Variants in CTNND2 observed in about 807,000 individuals in gnomAD.
The protein encoded by CTNND2 is catenin delta 2, also known as catenin delta-2.
A neutral mutation model predicts 144.4 loss-of-function variants in CTNND2; 22 were observed. That is an observed-to-expected ratio of 0.15 (90% confidence interval 0.11 to 0.22). The LOEUF is 0.22. CTNND2 is among the 10% of genes least tolerant of loss of function. The pLI, the probability that CTNND2 is intolerant of heterozygous loss-of-function variation, is 1.00. For missense variants in CTNND2, 1,353 were observed against 1,618.8 expected, an observed-to-expected ratio of 0.84 and a Z score of 2.82; for synonymous variants, 751 against 695.6, an observed-to-expected ratio of 1.08 and a Z score of -1.25.
chr5:11,569,626 C>G (rs1777403331), intron 2 of CTNND2, among the ~76,000 whole-genome samples: 1 of 152,046 alleles, frequency 6.6e-6, no homozygotes, highest in Non-Finnish European at 1.5e-5. Flanking sequence ...TTCATTACTT[C>G]CCTCAATAAA....
At chr5:11,583,169 A>G (rs1187827923) in intron 2 of CTNND2, among the ~76,000 whole-genome samples, 1 of 152,244 alleles carries the variant, frequency 6.6e-6, no homozygotes, top group East Asian at 1.9e-4. Context: ...CAACTGAGTC[A>G]GGAAGCTGCA....
chr5:11,665,839 A>G (rs1003447146), intron 2 of CTNND2, among the ~76,000 whole-genome samples: 9 of 152,162 alleles, frequency 5.9e-5, no homozygotes, highest in Non-Finnish European at 1.3e-4. Context: ...AGTGGACCAC[A>G]AGGGTTATCC....
chr5:11,094,114 A>T (rs1274315780), intron 15 of CTNND2, among the ~76,000 whole-genome samples: 2 of 152,220 alleles, frequency 1.3e-5, no homozygotes, highest in Non-Finnish European at 2.9e-5. Context: ...AATATTACTT[A>T]TCAGCCTCTC....
intron 3 of CTNND2, among the ~76,000 whole-genome samples, chr5:11,503,322 C>T (rs777145361): frequency 2.0e-4 from 30 of 152,116 alleles, no homozygotes; most frequent in Admixed American, 5.9e-4. Flanking sequence ...ATATACTGCT[C>T]GGACAAAAAC....
chr5:11,487,303 C>T (rs1024406630), intron 3 of CTNND2, among the ~76,000 whole-genome samples: 5 of 152,148 alleles, frequency 3.3e-5, no homozygotes, highest in East Asian at 3.8e-4. Context: ...ATACACACAG[C>T]GACACAAAGT....
chr5:11,676,396 G>A (rs1334018432), intron 2 of CTNND2, among the ~76,000 whole-genome samples: 1 of 151,974 alleles, frequency 6.6e-6, no homozygotes, highest in Non-Finnish European at 1.5e-5. Flanking sequence ...TCAATCTAGG[G>A]TTTTTAGCAC....
intron 18 of CTNND2, among the ~76,000 whole-genome samples, chr5:11,007,875 G>C (rs1401544250): frequency 6.6e-6 from 1 of 152,236 alleles, no homozygotes; most frequent in Non-Finnish European, 1.5e-5. Flanking sequence ...ACCGTGTAAT[G>C]AAACTCGGCT....
intron 9 of CTNND2, among the ~76,000 whole-genome samples, chr5:11,294,870 A>G (rs1748739605): frequency 6.6e-6 from 1 of 152,188 alleles, no homozygotes. Flanking sequence ...CCCGCAGCCA[A>G]TATCATACTG....
At chr5:11,486,022 T>C (rs1448383862) in intron 3 of CTNND2, among the ~76,000 whole-genome samples, 1 of 151,956 alleles carries the variant, frequency 6.6e-6, no homozygotes, top group East Asian at 1.9e-4. Context: ...AGAAGCCCTA[T>C]AAATAAAGAA....
intron 21 of CTNND2, among the ~76,000 whole-genome samples, chr5:10,976,797 A>G (rs1341000930): frequency 6.6e-6 from 1 of 152,246 alleles, no homozygotes; most frequent in Non-Finnish European, 1.5e-5. Flanking sequence ...ACACAAGGGA[A>G]ATAGTAGCCC....
intron 16 of CTNND2, among the ~76,000 whole-genome samples, chr5:11,026,353 CTTCTTTTTT>C (rs935191499): frequency 7.8e-5 from 8 of 102,626 alleles, no homozygotes; most frequent in African/African-American, 2.5e-4. Context: ...CCACCTTCTT[CTTCTTTTTT>C]TTTTTTTTTT....
chr5:11,412,119 A>C (rs763613132), intron 3 of CTNND2, 50 bp from the exon 4 acceptor site: 1 of 1,455,032 alleles, frequency 6.9e-7, no homozygotes, highest in Non-Finnish European at 9.6e-7. Flanking sequence ...GAAAAGAAAA[A>C]TAAAACCCTA....
chr5:11,567,161 AT>A (rs145382585), intron 2 of CTNND2, among the ~76,000 whole-genome samples: 42 of 149,038 alleles, frequency 2.8e-4, no homozygotes, highest in South Asian at 4.3e-4. Context: ...GTATTTTTTT[AT>A]TTTTTTTTTA....
intron 1 of CTNND2, among the ~76,000 whole-genome samples, chr5:11,794,785 T>C (rs778499909): frequency 3.1e-4 from 47 of 152,174 alleles, no homozygotes; most frequent in Non-Finnish European, 4.6e-4. Flanking sequence ...TCCAAGCAGA[T>C]GGGTTTTCTC....
intron 17 of CTNND2, among the ~76,000 whole-genome samples, chr5:11,020,803 G>A (rs1742168775): frequency 6.6e-6 from 1 of 150,884 alleles, no homozygotes; most frequent in Admixed American, 6.6e-5. Context: ...ACTGTAACCA[G>A]GAAGATGCTT....
At chr5:11,746,915 A>G (rs930842307) in intron 1 of CTNND2, among the ~76,000 whole-genome samples, 4 of 152,198 alleles carry the variant, frequency 2.6e-5, no homozygotes, top group Non-Finnish European at 4.4e-5. Flanking sequence ...AATATTCAAT[A>G]TGTTAAATTA....
intron 16 of CTNND2, among the ~76,000 whole-genome samples, chr5:11,059,419 G>A (rs1317004444): frequency 6.6e-6 from 1 of 152,184 alleles, no homozygotes; most frequent in Non-Finnish European, 1.5e-5. Context: ...ATCCACATAA[G>A]ATATGACTTG....
chr5:11,519,834 G>A (rs1772550488), intron 3 of CTNND2, among the ~76,000 whole-genome samples: 1 of 151,920 alleles, frequency 6.6e-6, no homozygotes, highest in Non-Finnish European at 1.5e-5. Context: ...GATAAGGAGT[G>A]ACTGTTGAAA....
At chr5:11,746,245 A>G (rs1340173781) in intron 1 of CTNND2, among the ~76,000 whole-genome samples, 1 of 152,080 alleles carries the variant, frequency 6.6e-6, no homozygotes, top group East Asian at 1.9e-4. Flanking sequence ...GTTTACCACA[A>G]TTGAATTTAT....
Sources: gnomAD v4.1 joint callset for allele counts (sites outside exome capture counted in the v4.1 genomes callset) on GRCh38, gnomAD v4.1.1 for gene constraint, MANE v1.5 for transcripts, NCBI Gene and HGNC (gene_info 2026-07-23, HGNC 2026-07-21) for gene names.